The following PPME1 variants were observed in gnomAD, a reference collection of about 807,000 sequenced individuals.
PPME1 encodes testicular secretory protein Li 39.
PPME1 carries 17 observed loss-of-function variants against 56.9 expected under a neutral mutation model. The ratio of observed to expected loss-of-function variants is 0.30; its 90% CI spans 0.20 to 0.45. The LOEUF is 0.45. PPME1 is among the 20% of genes least tolerant of loss of function. The probability of loss-of-function intolerance (pLI) is 1.00; values close to 1 mark genes in which losing one functional copy is unlikely to be tolerated. For synonymous variants in PPME1, 122 were observed against 156.2 expected (o/e 0.78, Z 1.63); for missense variants, 357 against 483.2 (o/e 0.74, Z 2.45).
chr11:74,245,069 G>A (rs1394294663), intron 9 of PPME1, among the ~76,000 whole-genome samples: 1 of 152,006 alleles, frequency 6.6e-6, no homozygotes, highest in Non-Finnish European at 1.5e-5. Flanking sequence ...TTGTCTTTAC[G>A]GCAGTACTAA....
In PPME1 at chr11:74,253,657, C is replaced by G. The variant is rs80199049; in HGVS notation, c.*147C>G. Reference sequence around the variant, plus strand: ...GACGGGCACCCCGAGATGTACCAACCTTTTCATGTATTCTGCCAAAAGCAT... The same window carrying G: ...GACGGGCACCCCGAGATGTACCAACGTTTTCATGTATTCTGCCAAAAGCAT... On this transcript the variant is annotated 3_prime_UTR_variant, in exon 14 of 14. Coordinates refer to ENST00000328257, the MANE Select transcript of PPME1 (RefSeq NM_016147.3). 1.1e-3 allele frequency: 946 copies of G among 849,396 alleles called. 9 individuals are homozygous for G. In the African/African-American group the frequency reaches 0.013, roughly 12 times the overall value. The allele number at this position is 849,396 out of a possible 1,614,324, so 52.6% of individuals were successfully genotyped here. A position where few individuals can be genotyped will look rare whatever the true frequency, so the allele number is the denominator to read the frequency against.
chr11:74,189,075 G>T (rs7117866), intron 1 of PPME1, among the ~76,000 whole-genome samples: 15,782 of 152,024 alleles, frequency 0.1, 2,140 homozygotes, highest in African/African-American at 0.32. Context: ...TAAACATACA[G>T]TTATATTTCC....
intron 1 of PPME1, among the ~76,000 whole-genome samples, chr11:74,173,675 G>A (rs1057336910): frequency 5.3e-5 from 8 of 152,086 alleles, no homozygotes; most frequent in Non-Finnish European, 1.0e-4. Context: ...CCAAGTAGCT[G>A]GGATTACAGG....
intron 1 of PPME1, among the ~76,000 whole-genome samples, chr11:74,202,645 T>C (rs991595527): frequency 6.6e-6 from 1 of 152,190 alleles, no homozygotes; most frequent in African/African-American, 2.4e-5. Context: ...GGTTGGAAAT[T>C]GGGACAGCTT....
intron 1 of PPME1, among the ~76,000 whole-genome samples, chr11:74,183,778 T>C (rs1386966252): frequency 6.6e-6 from 1 of 152,206 alleles, no homozygotes; most frequent in Non-Finnish European, 1.5e-5. Flanking sequence ...GATTGTGATC[T>C]GCTTGTTTAG....
At chr11:74,212,011 CAAA>C (rs1858489966) in intron 3 of PPME1, among the ~76,000 whole-genome samples, 2 of 152,206 alleles carry the variant, frequency 1.3e-5, no homozygotes, top group African/African-American at 4.8e-5. Flanking sequence ...AATGTCCACA[CAAA>C]AAAGAACCTT....
intron 1 of PPME1, among the ~76,000 whole-genome samples, chr11:74,188,191 T>TC (rs1291727169): frequency 3.2e-5 from 3 of 93,818 alleles, no homozygotes; most frequent in South Asian, 3.9e-4. Flanking sequence ...CCTTTTTCTC[T>TC]TTTTTTTTTT....
intron 3 of PPME1, among the ~76,000 whole-genome samples, chr11:74,206,973 G>A (rs1224905175): frequency 1.3e-5 from 2 of 152,122 alleles, no homozygotes; most frequent in Admixed American, 6.5e-5. Flanking sequence ...GTAATACTAT[G>A]AGATTAGCCA....
At chr11:74,223,852 C>T (rs1858864553) in intron 4 of PPME1, among the ~76,000 whole-genome samples, 2 of 148,758 alleles carry the variant, frequency 1.3e-5, no homozygotes, top group South Asian at 4.3e-4. Flanking sequence ...AGCCCTTTGT[C>T]AGATGAGTAA....
At chr11:74,181,654 A>C (rs1857541669) in intron 1 of PPME1, among the ~76,000 whole-genome samples, 3 of 152,228 alleles carry the variant, frequency 2.0e-5, no homozygotes, top group Admixed American at 2.0e-4. Context: ...TAATGGACAC[A>C]TAGCACAAAT....
intron 3 of PPME1, among the ~76,000 whole-genome samples, chr11:74,217,776 GT>G (rs1382285206): frequency 6.6e-6 from 1 of 151,660 alleles, no homozygotes; most frequent in Non-Finnish European, 1.5e-5. Flanking sequence ...TAGAAGGAAT[GT>G]AACACAATAA....
At chr11:74,236,501 A>G (rs925677297) in intron 8 of PPME1, among the ~76,000 whole-genome samples, 1 of 152,226 alleles carries the variant, frequency 6.6e-6, no homozygotes, top group Non-Finnish European at 1.5e-5. Flanking sequence ...ATGTTGCCCA[A>G]CAGAACAGAC....
At chr11:74,172,234 A>G (rs1033676082) in intron 1 of PPME1, among the ~76,000 whole-genome samples, 5 of 152,110 alleles carry the variant, frequency 3.3e-5, no homozygotes, top group Non-Finnish European at 1.5e-5. Flanking sequence ...GCTGGACAGG[A>G]TAAGGGAGAG....
intron 3 of PPME1, among the ~76,000 whole-genome samples, chr11:74,218,762 A>G (rs1858720996): frequency 6.6e-6 from 1 of 152,214 alleles, no homozygotes; most frequent in African/African-American, 2.4e-5. Context: ...AAATGAATTA[A>G]AGACTCAAAC....
chr11:74,207,611 A>G (rs1858359882), intron 3 of PPME1, among the ~76,000 whole-genome samples: 1 of 152,202 alleles, frequency 6.6e-6, no homozygotes, highest in Non-Finnish European at 1.5e-5. Flanking sequence ...AGTTGCTGCT[A>G]CAGTAGTCAA....
chr11:74,209,983 G>A (rs1460874216), intron 3 of PPME1, among the ~76,000 whole-genome samples: 1 of 152,128 alleles, frequency 6.6e-6, no homozygotes, highest in African/African-American at 2.4e-5. Flanking sequence ...GAGTGCTTGA[G>A]CCCAGGAGTT....
chr11:74,245,629 A>T (rs981391042), intron 9 of PPME1, among the ~76,000 whole-genome samples: 4 of 152,142 alleles, frequency 2.6e-5, no homozygotes, highest in African/African-American at 9.7e-5. Context: ...TTAGTACTTT[A>T]CTATACCACA....
chr11:74,204,714 A>T (rs1858281436), intron 3 of PPME1, among the ~76,000 whole-genome samples: 1 of 152,230 alleles, frequency 6.6e-6, no homozygotes, highest in Non-Finnish European at 1.5e-5. Flanking sequence ...AAAAGATAAT[A>T]GGGAGTGATG....
intron 1 of PPME1, among the ~76,000 whole-genome samples, chr11:74,191,153 T>C (rs116189393): frequency 1.1e-3 from 175 of 152,282 alleles, no homozygotes; most frequent in African/African-American, 4.1e-3. Context: ...TTGGACAACA[T>C]AGTGAGACTT....
Sources: allele counts gnomAD v4.1 joint callset (sites outside exome capture counted in the v4.1 genomes callset), GRCh38; gene constraint gnomAD v4.1.1; transcripts MANE v1.5; gene names NCBI Gene and HGNC (gene_info 2026-07-23, HGNC 2026-07-21).